The following DAB1 variants were observed in gnomAD, a reference collection of about 807,000 sequenced individuals.
DAB1 encodes disabled homolog 1.
DAB1 carries 15 observed loss-of-function variants against 64.6 expected under a neutral mutation model. That is an observed-to-expected ratio of 0.23 (90% CI 0.16 to 0.36). The LOEUF is 0.36. DAB1 is among the 10% of genes least tolerant of loss of function. The probability of loss-of-function intolerance (pLI) is 1.00; values close to 1 mark genes in which losing one functional copy is unlikely to be tolerated. For synonymous variants in DAB1, 235 were observed against 251.9 expected, an observed-to-expected ratio of 0.93 and a Z score of 0.64; for missense variants, 596 against 706.7, an observed-to-expected ratio of 0.84 and a Z score of 1.78.
At chr1:58,253,616 G>A (rs1660855405) in intron 4 of DAB1, among the ~76,000 whole-genome samples, 1 of 152,178 alleles carries the variant, frequency 6.6e-6, no homozygotes, top group Admixed American at 6.5e-5. Context: ...TATTTCCTGT[G>A]ATATTCACAA....
At chr1:57,680,126 G>T (rs1646618999) in intron 6 of DAB1, among the ~76,000 whole-genome samples, 1 of 152,142 alleles carries the variant, frequency 6.6e-6, no homozygotes, top group African/African-American at 2.4e-5. Flanking sequence ...AATTCAATAT[G>T]AGAAAACAGC....
At chr1:58,379,923 A>T (rs764382520) in intron 3 of DAB1, among the ~76,000 whole-genome samples, 61 of 152,316 alleles carry the variant, frequency 4.0e-4, no homozygotes, top group South Asian at 1.0e-3. Context: ...GCTAGAGATG[A>T]TATTTCTCAG....
intron 6 of DAB1, among the ~76,000 whole-genome samples, chr1:57,710,574 C>T (rs1647016240): frequency 6.6e-6 from 1 of 152,106 alleles, no homozygotes; most frequent in Admixed American, 6.5e-5. Flanking sequence ...ACCTATGTCC[C>T]CAAGTTGTTG....
At chr1:57,632,064 T>C (rs1368113389) in intron 7 of DAB1, among the ~76,000 whole-genome samples, 3 of 152,210 alleles carry the variant, frequency 2.0e-5, no homozygotes, top group African/African-American at 4.8e-5. Context: ...GAAGATATTG[T>C]CTGAGGTATA....
At chr1:57,361,566 G>A (rs781624174) in intron 1 of DAB1, among the ~76,000 whole-genome samples, 3 of 152,098 alleles carry the variant, frequency 2.0e-5, no homozygotes, top group South Asian at 4.1e-4. Flanking sequence ...CTCCATTGTC[G>A]GGTTTGCCAT....
chr1:57,576,435 C>T (rs1645250617), intron 7 of DAB1, among the ~76,000 whole-genome samples: 1 of 152,118 alleles, frequency 6.6e-6, no homozygotes, highest in South Asian at 2.1e-4. Flanking sequence ...GACTGCTGTC[C>T]TTATAAGAAG....
chr1:57,785,022 T>G (rs1278456285), intron 6 of DAB1, among the ~76,000 whole-genome samples: 2 of 152,184 alleles, frequency 1.3e-5, no homozygotes, highest in African/African-American at 2.4e-5. Flanking sequence ...GACTTTAAGT[T>G]GAAACCAATA....
chr1:58,374,725 T>TG (rs913066615), intron 3 of DAB1, among the ~76,000 whole-genome samples: 1 of 141,146 alleles, frequency 7.1e-6, no homozygotes, highest in African/African-American at 2.7e-5. Context: ...AGAAAGTCAT[T>TG]GGTAGCTTTA....
intron 5 of DAB1, among the ~76,000 whole-genome samples, chr1:58,109,255 G>T (rs1009489487): frequency 2.0e-5 from 3 of 152,160 alleles, no homozygotes; most frequent in African/African-American, 7.2e-5. Context: ...CATGTTTTGT[G>T]AGCATATGCA....
At chr1:57,323,440 C>G (rs1387898575) in intron 1 of DAB1, among the ~76,000 whole-genome samples, 1 of 152,132 alleles carries the variant, frequency 6.6e-6, no homozygotes, top group Non-Finnish European at 1.5e-5. Context: ...AAAACAAAAT[C>G]AACACATAGG....
intron 7 of DAB1, among the ~76,000 whole-genome samples, chr1:57,440,690 G>C (rs1173187327): frequency 6.6e-6 from 1 of 152,178 alleles, no homozygotes; most frequent in Non-Finnish European, 1.5e-5. Flanking sequence ...AAAAGACATG[G>C]TCAGAGTGCC....
At chr1:57,964,335 T>A (rs572529304) in intron 5 of DAB1, among the ~76,000 whole-genome samples, 28 of 152,214 alleles carry the variant, frequency 1.8e-4, no homozygotes, top group Non-Finnish European at 3.8e-4. Context: ...AAGTGGGGAA[T>A]GTAGAATACT....
intron 4 of DAB1, among the ~76,000 whole-genome samples, chr1:58,300,544 A>AAAAGAAAGAAAGAAAG (rs71043285): frequency 8.9e-5 from 9 of 101,186 alleles, no homozygotes; most frequent in East Asian, 2.6e-4. Flanking sequence ...TGAAACTCTG[A>AAAAGAAAGAAAGAAAG]AAAGAAAGAA....
At chr1:58,534,454 C>T (rs1037976836) in intron 1 of DAB1, 4 of 559,072 alleles carry the variant, frequency 7.2e-6, no homozygotes, top group Non-Finnish European at 1.2e-5. Context: ...TAAAAATCTG[C>T]ATATATTAAG....
chr1:58,473,981 C>T (rs990861317), intron 3 of DAB1: 11 of 1,259,882 alleles, frequency 8.7e-6, no homozygotes, highest in Middle Eastern at 2.2e-4. Context: ...GTCACATGCA[C>T]GTAAATATCA....
At chr1:58,160,241 T>C (rs889994271) in intron 4 of DAB1, among the ~76,000 whole-genome samples, 1 of 152,092 alleles carries the variant, frequency 6.6e-6, no homozygotes, top group Non-Finnish European at 1.5e-5. Flanking sequence ...TGTCTCTGAA[T>C]GGCTCTGGGA....
chr1:57,206,091 G>A (rs1665513150), intron 2 of DAB1, among the ~76,000 whole-genome samples: 1 of 152,208 alleles, frequency 6.6e-6, no homozygotes, highest in Admixed American at 6.5e-5. Flanking sequence ...AGTGCTGAGG[G>A]TGCTGGAGCA....
chr1:58,292,660 T>C (rs1661873603), intron 4 of DAB1, among the ~76,000 whole-genome samples: 1 of 152,068 alleles, frequency 6.6e-6, no homozygotes, highest in Non-Finnish European at 1.5e-5. Context: ...GGTTGGAGTG[T>C]TGCAAATAAT....
At chr1:58,471,755 C>T (rs1645362356) in intron 3 of DAB1, among the ~76,000 whole-genome samples, 1 of 152,134 alleles carries the variant, frequency 6.6e-6, no homozygotes, top group Non-Finnish European at 1.5e-5. Flanking sequence ...AGCACCTCCC[C>T]ACCCCTCCTG....
Sources: gnomAD v4.1 joint callset for allele counts (sites outside exome capture counted in the v4.1 genomes callset) on GRCh38, gnomAD v4.1.1 for gene constraint, MANE v1.5 for transcripts, NCBI Gene and HGNC (gene_info 2026-07-23, HGNC 2026-07-21) for gene names.